ASCC3: variants seen among roughly 807,000 people sequenced by gnomAD.
ASCC3 encodes the protein activating signal cointegrator 1 complex subunit 3, also known as ASC-1 complex subunit P200.
Under a neutral mutation model 256.3 loss-of-function variants are expected in ASCC3, and 158 were observed. The ratio of observed to expected loss-of-function variants is 0.62; its 90% confidence interval spans 0.54 to 0.70. The LOEUF (loss-of-function observed/expected upper bound fraction) is 0.70. Among genes scored for constraint, ASCC3 ranks in the 30% least tolerant of loss-of-function variants. The pLI is 0.00. For missense variants in ASCC3, 2,259 were observed against 2,626.0 expected (o/e 0.86, Z 3.05); for synonymous variants, 948 against 883.4 (o/e 1.07, Z -1.30).
chr6:100,718,329 A>G (rs1304688509), intron 11 of ASCC3, 78 bp from the exon 12 acceptor site: 1 of 1,258,892 alleles, frequency 7.9e-7, no homozygotes, highest in Non-Finnish European at 1.1e-6. Context: ...TCCTATTAAT[A>G]GGACTTCTAA....
At chr6:100,652,981 T>A in intron 17 of ASCC3, 92 bp from the exon 18 acceptor site, 1 of 1,270,906 alleles carries the variant, frequency 7.9e-7, no homozygotes, top group Non-Finnish European at 1.1e-6. Flanking sequence ...AAACTTTTCT[T>A]AATGTTTTAG....
intron 36 of ASCC3, among the ~76,000 whole-genome samples, chr6:100,568,764 T>C (rs1248116942): frequency 2.8e-5 from 4 of 142,728 alleles, no homozygotes; most frequent in Non-Finnish European, 6.0e-5. Context: ...TTATTATTAT[T>C]ATTATTATTA....
intron 36 of ASCC3, among the ~76,000 whole-genome samples, chr6:100,578,793 T>G (rs1431702694): frequency 6.6e-6 from 1 of 152,144 alleles, no homozygotes; most frequent in Non-Finnish European, 1.5e-5. Flanking sequence ...AATAATGGAT[T>G]GCTGGGTCAA....
chr6:100,525,797 G>T (rs1774553614), intron 37 of ASCC3, among the ~76,000 whole-genome samples: 1 of 152,128 alleles, frequency 6.6e-6, no homozygotes, highest in South Asian at 2.1e-4. Context: ...TTCTGGAAAT[G>T]TAAAACTATT....
intron 19 of ASCC3, among the ~76,000 whole-genome samples, chr6:100,651,098 C>A (rs1446133317): frequency 6.6e-6 from 1 of 151,596 alleles, no homozygotes; most frequent in East Asian, 1.9e-4. Flanking sequence ...CAAATGCATT[C>A]ATTATAGTCA....
At chr6:100,819,285 G>A (rs997492640) in intron 4 of ASCC3, among the ~76,000 whole-genome samples, 70 of 152,190 alleles carry the variant, frequency 4.6e-4, no homozygotes, top group African/African-American at 1.6e-3. Context: ...TACACGTTGT[G>A]CACATGTACC....
At position 100,509,456 on chromosome 6, in the gene ASCC3, G is replaced by A. The variant is rs1317346976; in HGVS notation, c.6539C>T (p.Thr2180Ile). ...DQQYDIYLNV[T>I]QASLSAQVNT... is the part of the protein sequence containing the mutation. ...GACCTGTGCAGAAAGACTCGCTTGT[G>A]TAACGTTGAGATAGATGTCATACTG... Residue 2180 changes from threonine (T) to isoleucine (I), a missense_variant, in exon 42 of 42, where the codon ACA (threonine) becomes ATA (isoleucine). Physicochemically the swap from Thr to Ile is moderately conservative, Grantham distance 89. Coordinates refer to ENST00000369162, the MANE Select transcript of ASCC3 (RefSeq NM_006828.4). 3 of 1,614,060 alleles carry A rather than the reference G, an allele frequency of 1.9e-6. No homozygotes were observed. The highest frequency in any genetic ancestry group is 2.2e-5 in the East Asian group (1 of 44,894).
At chr6:100,833,908 T>A (rs1771749768) in intron 4 of ASCC3, among the ~76,000 whole-genome samples, 1 of 152,056 alleles carries the variant, frequency 6.6e-6, no homozygotes. Flanking sequence ...CAAAACCCCA[T>A]CTTTACTAAA....
chr6:100,552,197 G>T (rs1769335580), intron 36 of ASCC3, among the ~76,000 whole-genome samples: 1 of 151,654 alleles, frequency 6.6e-6, no homozygotes, highest in Admixed American at 6.6e-5. Flanking sequence ...TACTCTAAAG[G>T]ATGTTAACTG....
Position 100,692,446 on chromosome 6 carries a change from T to C in ASCC3, c.2152-12694A>G, listed in dbSNP as rs562813581. Among the ~76,000 whole-genome samples the C allele has an allele frequency of 1.2e-4, 18 of 152,194 alleles. No individual in the cohort carries two copies. In the South Asian group the frequency reaches 2.1e-3, roughly 18 times the overall value. On this transcript the variant is annotated intron_variant, in intron 13 of 41. Transcript: ENST00000369162. ...TTTAATATGATTATATTTTCAAAAA[T>C]ATATGAGCTTGAACATCAACTCCAG...
At chr6:100,583,372 G>C (rs188439465) in intron 36 of ASCC3, among the ~76,000 whole-genome samples, 1 of 152,096 alleles carries the variant, frequency 6.6e-6, no homozygotes, top group Non-Finnish European at 1.5e-5. Flanking sequence ...GTTTATTTGC[G>C]TAGAGGTGTT....
chr6:100,762,053 C>A (rs1029594445), intron 10 of ASCC3, among the ~76,000 whole-genome samples: 1 of 152,138 alleles, frequency 6.6e-6, no homozygotes, highest in African/African-American at 2.4e-5. Context: ...ACACCCACAC[C>A]CTGTCAACCA....
chr6:100,549,067 T>G (rs571789464), intron 36 of ASCC3, among the ~76,000 whole-genome samples: 101 of 151,972 alleles, frequency 6.6e-4, no homozygotes, highest in African/African-American at 2.4e-3. Flanking sequence ...TAGGCACCTA[T>G]TTTTGGATTG....
intron 34 of ASCC3, among the ~76,000 whole-genome samples, chr6:100,593,001 A>G (rs536748239): frequency 7.4e-4 from 113 of 152,216 alleles, no homozygotes; most frequent in Non-Finnish European, 1.3e-3. Flanking sequence ...TTTATTTCAC[A>G]GAGAAACCCA....
intron 7 of ASCC3, 76 bp downstream of exon 7, chr6:100,799,355 G>A: frequency 6.5e-7 from 1 of 1,534,210 alleles, no homozygotes; most frequent in Non-Finnish European, 8.9e-7. Flanking sequence ...GACTCACGAA[G>A]GAACAGGGAA....
chr6:100,755,867 A>G (rs908230125), intron 10 of ASCC3, among the ~76,000 whole-genome samples: 1 of 152,158 alleles, frequency 6.6e-6, no homozygotes, highest in Non-Finnish European at 1.5e-5. Context: ...TCACAATATT[A>G]AAATTCAAAT....
chr6:100,668,386 T>C (rs1439211487), intron 14 of ASCC3, among the ~76,000 whole-genome samples: 1 of 152,060 alleles, frequency 6.6e-6, no homozygotes, highest in Non-Finnish European at 1.5e-5. Flanking sequence ...AATGGATGAT[T>C]TTCTAGGAAA....
At chr6:100,710,918 G>A (rs533586724) in intron 13 of ASCC3, among the ~76,000 whole-genome samples, 18 of 152,110 alleles carry the variant, frequency 1.2e-4, no homozygotes, top group African/African-American at 3.9e-4. Flanking sequence ...TAAGCAACCC[G>A]TAGCTTCTAA....
At position 100,745,964 on chromosome 6, in the gene ASCC3, C is replaced by T. The variant is rs147067375; in HGVS notation, c.1738-20261G>A. On this transcript the variant is annotated intron_variant, in intron 10 of 41. Transcript: ENST00000369162. ...ATATATATCTATCGACATAGATAGG[C>T]GTTCATGGTATATTTTAAAATAATA... Among the ~76,000 whole-genome samples the T allele has an allele frequency of 5.3e-5, 8 of 151,702 alleles. No homozygotes were observed. In the East Asian group the frequency reaches 5.9e-4, roughly 11 times the overall value.
Sources: allele counts gnomAD v4.1 joint callset (sites outside exome capture counted in the v4.1 genomes callset), GRCh38; gene constraint gnomAD v4.1.1; transcripts MANE v1.5; gene names NCBI Gene and HGNC (gene_info 2026-07-23, HGNC 2026-07-21).